The following ANKRD26 variants were observed in gnomAD, a reference collection of about 807,000 sequenced individuals.
ANKRD26 encodes ankyrin repeat domain 26.
In ANKRD26, 141 loss-of-function variants were observed where a neutral mutation model predicts 208.7. The observed-to-expected ratio is 0.68, with a 90% CI of 0.59 to 0.78. The LOEUF is 0.78. Ranked by LOEUF, ANKRD26 falls within the 30% of genes least tolerant of loss-of-function variation. The pLI is 0.00. For missense variants in ANKRD26, 1,889 were observed against 1,938.7 expected (o/e 0.97, Z 0.48); for synonymous variants, 636 against 660.4 (o/e 0.96, Z 0.57).
chr10:27,082,521 C>CT (rs2055958680), intron 6 of ANKRD26, among the ~76,000 whole-genome samples: 1 of 152,174 alleles, frequency 6.6e-6, no homozygotes, highest in African/African-American at 2.4e-5. Flanking sequence ...GCACAGGTCT[C>CT]TATCAATCTA....
the ANKRD26 span, among the ~76,000 whole-genome samples, chr10:26,968,342 G>T: frequency 6.6e-6 from 1 of 152,216 alleles, no homozygotes; most frequent in Non-Finnish European, 1.5e-5. Flanking sequence ...TTTCAGCTTT[G>T]ATGTTACTTC....
chr10:27,053,300 T>A lies in ANKRD26; in HGVS notation c.1635+20A>T, dbSNP rs747543235. On this transcript the variant is annotated intron_variant, in intron 16 of 33. Coordinates refer to ENST00000376087, the MANE Select transcript of ANKRD26 (RefSeq NM_014915.3). ...AAAGAAAACAATATTAAACCAGAAA[T>A]TTTTAAAAATATATAATACCTGTGG... 6.4e-7 allele frequency: 1 copy of A among 1,570,168 alleles called. No individual in the cohort carries two copies. The highest frequency in any genetic ancestry group is 8.7e-7 in the Non-Finnish European group (1 of 1,145,890).
At chr10:27,045,625 A>C (rs2054414439) in intron 18 of ANKRD26, among the ~76,000 whole-genome samples, 1 of 152,160 alleles carries the variant, frequency 6.6e-6, no homozygotes, top group Non-Finnish European at 1.5e-5. Context: ...AAGTTAATAC[A>C]CCTGATCTTT....
intron 12 of ANKRD26, among the ~76,000 whole-genome samples, chr10:27,063,725 T>G (rs370237396): frequency 6.6e-6 from 1 of 152,188 alleles, no homozygotes; most frequent in East Asian, 1.9e-4. Flanking sequence ...CCTCTTTTAC[T>G]CCTCTCCTCT....
chr10:26,994,867 G>C (rs908692120), intron 5 of ANKRD26, among the ~76,000 whole-genome samples: 5 of 152,316 alleles, frequency 3.3e-5, no homozygotes, highest in Non-Finnish European at 7.3e-5. Context: ...TCACAACCTT[G>C]TGAACATAGA....
the ANKRD26 span, among the ~76,000 whole-genome samples, chr10:26,947,722 CCTT>C: frequency 2.6e-5 from 4 of 152,246 alleles, no homozygotes; most frequent in East Asian, 1.9e-4. Flanking sequence ...AAATCATTGA[CCTT>C]CTTTTTTTTG....
At chr10:26,959,020 G>A in the ANKRD26 span, among the ~76,000 whole-genome samples, 1 of 152,002 alleles carries the variant, frequency 6.6e-6, no homozygotes, top group Non-Finnish European at 1.5e-5. Context: ...ATCTCTTTGT[G>A]GTTTTGATTT....
intron 15 of ANKRD26, among the ~76,000 whole-genome samples, chr10:27,055,525 T>C (rs1374522820): frequency 6.6e-6 from 1 of 152,226 alleles, no homozygotes; most frequent in Non-Finnish European, 1.5e-5. Context: ...CCAGATCACA[T>C]GATTAAGGGC....
At chr10:27,043,662 A>G (rs1286488026) in intron 19 of ANKRD26, 95 bp from the exon 20 acceptor site, 1 of 1,268,736 alleles carries the variant, frequency 7.9e-7, no homozygotes, top group Non-Finnish European at 1.1e-6. Context: ...GAGCAAAAAC[A>G]CAGGTATTTC....
downstream of ANKRD26, among the ~76,000 whole-genome samples, chr10:26,999,231 C>G (rs1207626877): frequency 6.6e-6 from 1 of 152,176 alleles, no homozygotes; most frequent in African/African-American, 2.4e-5. Flanking sequence ...AACTTAGAGT[C>G]TGCTTCAGTT....
chr10:27,017,369 A>C (rs1205225846), intron 30 of ANKRD26, 133 bp downstream of exon 30: 4 of 844,310 alleles, frequency 4.7e-6, no homozygotes, highest in Non-Finnish European at 7.6e-6. Context: ...AAAGGGAGAA[A>C]CAGATGCCAT....
chr10:26,993,173 G>A (rs541216381), intron 5 of ANKRD26, among the ~76,000 whole-genome samples: 7 of 152,332 alleles, frequency 4.6e-5, no homozygotes, highest in Admixed American at 4.6e-4. Context: ...AGCGTTGCTA[G>A]TTTGGCAGGG....
intron 27 of ANKRD26, among the ~76,000 whole-genome samples, chr10:27,027,196 T>C (rs1433564449): frequency 6.6e-6 from 1 of 152,252 alleles, no homozygotes; most frequent in African/African-American, 2.4e-5. Context: ...CAGCCATTTC[T>C]ACTTTTTCAC....
At chr10:27,076,890 C>T (rs7092759) in intron 9 of ANKRD26, 15,543 of 163,894 alleles carry the variant, frequency 0.095, 963 homozygotes, top group Non-Finnish European at 0.14. Flanking sequence ...CAGGGCCACA[C>T]GGATTCACAG....
chr10:26,974,848 T>C (rs2052201603), exon 6 of ANKRD26, among the ~76,000 whole-genome samples: 1 of 152,274 alleles, frequency 6.6e-6, no homozygotes. Flanking sequence ...TTCTGGCTTC[T>C]ATTGTTGCAT....
intron 9 of ANKRD26, among the ~76,000 whole-genome samples, chr10:27,068,315 G>T (rs1312123676): frequency 1.3e-5 from 2 of 152,180 alleles, no homozygotes; most frequent in Non-Finnish European, 2.9e-5. Context: ...TTGTGAAGAA[G>T]GTGCCTGCTT....
At chr10:26,952,617 C>T in the ANKRD26 span, among the ~76,000 whole-genome samples, 3 of 152,012 alleles carry the variant, frequency 2.0e-5, no homozygotes, top group African/African-American at 4.8e-5. Context: ...GGCGACAAAG[C>T]GAGACTCTCT....
chr10:27,073,391 G>A (rs1451421873), intron 9 of ANKRD26, among the ~76,000 whole-genome samples: 1 of 152,124 alleles, frequency 6.6e-6, no homozygotes, highest in East Asian at 1.9e-4. Context: ...TGCCCTCCAC[G>A]TTCAGGCTTG....
chr10:27,040,716 A>G (rs1470815576), intron 20 of ANKRD26, among the ~76,000 whole-genome samples: 1 of 152,184 alleles, frequency 6.6e-6, no homozygotes, highest in African/African-American at 2.4e-5. Flanking sequence ...AATGAACACA[A>G]GGATCCCTGA....
Sources: gnomAD v4.1 joint callset for allele counts (sites outside exome capture counted in the v4.1 genomes callset) on GRCh38, gnomAD v4.1.1 for gene constraint, MANE v1.5 for transcripts, NCBI Gene and HGNC (gene_info 2026-07-23, HGNC 2026-07-21) for gene names.